Variants in PRKN observed in about 807,000 individuals in gnomAD.
PRKN encodes the protein E3 ubiquitin-protein ligase parkin.
A neutral mutation model predicts 59.5 loss-of-function variants in PRKN; 56 were observed. That is an observed-to-expected ratio of 0.94 (90% confidence interval 0.76 to 1.18). PRKN has a LOEUF of 1.18. Ranked by LOEUF, PRKN falls within the 50% of genes most tolerant of loss-of-function variation. The pLI is 0.00. For synonymous variants in PRKN, 250 were observed against 222.1 expected, an observed-to-expected ratio of 1.13 and a Z score of -1.12; for missense variants, 657 against 596.4, an observed-to-expected ratio of 1.10 and a Z score of -1.06.
intron 4 of PRKN, among the ~76,000 whole-genome samples, chr6:162,125,939 C>G (rs1269292407): frequency 6.6e-6 from 1 of 152,140 alleles, no homozygotes; most frequent in Non-Finnish European, 1.5e-5. Flanking sequence ...CTACGAAGAT[C>G]GTCAGATCTA....
chr6:162,243,010 A>T (rs77191287), intron 3 of PRKN, among the ~76,000 whole-genome samples: 41,414 of 146,030 alleles, frequency 0.28, 6,430 homozygotes, highest in East Asian at 0.66. Context: ...TTGGTTCCTT[A>T]AAAAAAAAAA....
At chr6:162,019,880 G>A (rs909292802) in intron 5 of PRKN, among the ~76,000 whole-genome samples, 15 of 152,138 alleles carry the variant, frequency 9.9e-5, no homozygotes, top group African/African-American at 3.1e-4. Flanking sequence ...TTAGCCTGGT[G>A]TGGTGGCGGG....
At chr6:161,963,521 T>C (rs1054016446) in intron 6 of PRKN, among the ~76,000 whole-genome samples, 6 of 152,202 alleles carry the variant, frequency 3.9e-5, no homozygotes, top group Non-Finnish European at 5.9e-5. Context: ...CTTCTATGCT[T>C]TCGTAAGTAA....
At chr6:161,658,525 C>T (rs1329785101) in intron 7 of PRKN, among the ~76,000 whole-genome samples, 1 of 152,186 alleles carries the variant, frequency 6.6e-6, no homozygotes, top group East Asian at 1.9e-4. Flanking sequence ...TTCATAAGTG[C>T]CTCTGCAACA....
chr6:161,823,047 ACCTCAGCTTC>A lies in PRKN; in HGVS notation c.735-37149_735-37140del, dbSNP rs757256023. ...CCGCTTGGGCTCAAGTGATGCTCCC[ACCTCAGCTTC>A]CCAAGTAGCTGGGACGAGAAGCACA... is the stretch of plus-strand genomic sequence containing the variant. On this transcript the variant is annotated intron_variant, in intron 6 of 11. Coordinates refer to ENST00000366898, the MANE Select transcript of PRKN (RefSeq NM_004562.3). Among the ~76,000 whole-genome samples the A allele has an allele frequency of 1.7e-4, 25 of 150,506 alleles. No homozygotes were observed. The South Asian group carries it at 1.9e-3, about 11-fold the overall frequency.
chr6:162,183,778 A>T (rs1783902703), intron 4 of PRKN, among the ~76,000 whole-genome samples: 1 of 152,148 alleles, frequency 6.6e-6, no homozygotes, highest in Admixed American at 6.5e-5. Flanking sequence ...TTGCCGCAGT[A>T]TGCCGCCCCT....
At chr6:161,569,278 C>A in intron 8 of PRKN, 77 bp downstream of exon 8, 1 of 1,353,124 alleles carries the variant, frequency 7.4e-7, no homozygotes, top group South Asian at 1.2e-5. Flanking sequence ...TACTCGGCCT[C>A]CCTGGGGAGC....
chr6:162,613,072 CATT>C (rs1782261300), intron 1 of PRKN, among the ~76,000 whole-genome samples: 2 of 152,168 alleles, frequency 1.3e-5, no homozygotes, highest in African/African-American at 2.4e-5. Context: ...GAGATACTAT[CATT>C]ATTATTTCCA....
Position 162,443,397 on chromosome 6 carries a change from C to T in PRKN, c.84G>A (p.Glu28=). Reference sequence around the variant, plus strand: ...GAACCCCCTGTCGCTTAGCAACCACCTCCTTGAGCTGGAAGATGCTGGTGT... The same window carrying T: ...GAACCCCCTGTCGCTTAGCAACCACTTCCTTGAGCTGGAAGATGCTGGTGT... The part of the protein sequence containing the change: ...DSDTSIFQLK[E]VVAKRQGVPA... Residue 28 remains glutamate (E), a synonymous_variant, in exon 2 of 12, where the codon GAG becomes GAA. Coordinates refer to ENST00000366898, the MANE Select transcript of PRKN (RefSeq NM_004562.3). The T allele has an allele frequency of 6.2e-7, 1 of 1,614,054 alleles. No homozygotes were observed. The highest frequency in any genetic ancestry group is 8.5e-7 in the Non-Finnish European group (1 of 1,180,018).
At chr6:162,276,090 GTCA>G (rs1472777492) in intron 2 of PRKN, among the ~76,000 whole-genome samples, 40 of 152,170 alleles carry the variant, frequency 2.6e-4, no homozygotes, top group Admixed American at 6.6e-4. Context: ...ATAAACGTCT[GTCA>G]GCTTTTTCAG....
At chr6:162,490,773 G>A (rs1337254284) in intron 1 of PRKN, among the ~76,000 whole-genome samples, 6 of 152,160 alleles carry the variant, frequency 3.9e-5, no homozygotes, top group East Asian at 1.9e-4. Context: ...AAGATGGATC[G>A]TTCAGGAAAA....
At chr6:162,162,799 G>A (rs1261981722) in intron 4 of PRKN, among the ~76,000 whole-genome samples, 1 of 137,296 alleles carries the variant, frequency 7.3e-6, no homozygotes, top group African/African-American at 2.9e-5. Flanking sequence ...CACAAGGTAA[G>A]GAGTTCGAGA....
chr6:162,559,523 C>G (rs1779750422), intron 1 of PRKN, among the ~76,000 whole-genome samples: 1 of 152,128 alleles, frequency 6.6e-6, no homozygotes, highest in Admixed American at 6.5e-5. Flanking sequence ...AGCATTTCTA[C>G]AAGAAAGCTA....
At chr6:162,450,210 G>T (rs1318600577) in intron 1 of PRKN, among the ~76,000 whole-genome samples, 2 of 151,758 alleles carry the variant, frequency 1.3e-5, no homozygotes, top group African/African-American at 4.9e-5. Flanking sequence ...TGTGCTCAAG[G>T]AGGTGAAGTA....
rs1779829408 is a variant in PRKN at position 161,547,280 on chromosome 6, T to G, written c.1083+1574A>C. ...ACCTTGAGAACATAACTATCCTCCT[T>G]TAAGTAAAGTTGCCTGCAGACTCTT... On this transcript the variant is annotated intron_variant, in intron 9 of 11. Transcript: ENST00000366898. The surrounding 1 kb of genome is among the most constrained non-coding windows in gnomAD (Gnocchi z 4.0). Among the ~76,000 whole-genome samples the G allele has an allele frequency of 1.3e-5, 2 of 152,336 alleles. No individual in the cohort carries two copies. Among genetic ancestry groups the G allele is most frequent in the Middle Eastern group, 6.8e-3 (2 of 294 alleles).
chr6:162,110,697 C>G (rs897222390), intron 4 of PRKN, among the ~76,000 whole-genome samples: 30 of 152,136 alleles, frequency 2.0e-4, no homozygotes, highest in Admixed American at 5.9e-4. Flanking sequence ...AACCTTGAAA[C>G]AGGGGCGATG....
At chr6:161,504,587 A>T (rs1017435022) in intron 9 of PRKN, among the ~76,000 whole-genome samples, 1 of 151,660 alleles carries the variant, frequency 6.6e-6, no homozygotes, top group African/African-American at 2.4e-5. Context: ...GGTTAGTTAC[A>T]TATGTATACA....
intron 2 of PRKN, among the ~76,000 whole-genome samples, chr6:162,433,757 A>AAC (rs1244756173): frequency 2.6e-5 from 4 of 152,192 alleles, no homozygotes; most frequent in Admixed American, 6.5e-5. Context: ...ATGGAATGCA[A>AAC]ACACACAGAC....
At chr6:161,495,643 C>T (rs1777721248) in intron 9 of PRKN, among the ~76,000 whole-genome samples, 1 of 152,244 alleles carries the variant, frequency 6.6e-6, no homozygotes, top group African/African-American at 2.4e-5. Flanking sequence ...GCTCAAGGGA[C>T]AGCAGAGCCA....
Sources: gnomAD v4.1 joint callset for allele counts (sites outside exome capture counted in the v4.1 genomes callset) on GRCh38, gnomAD v4.1.1 for gene constraint, Gnocchi (gnomAD v3.1) non-coding constraint, MANE v1.5 for transcripts, NCBI Gene and HGNC (gene_info 2026-07-23, HGNC 2026-07-21) for gene names.